CPEB1: variants seen among roughly 807,000 people sequenced by gnomAD.
The protein encoded by CPEB1 is cytoplasmic polyadenylation element-binding protein 1.
CPEB1 carries 7 observed loss-of-function variants against 65.8 expected under a neutral mutation model. The ratio of observed to expected loss-of-function variants is 0.11; its 90% confidence interval spans 0.06 to 0.20. CPEB1 has a LOEUF of 0.20. Ranked by LOEUF, CPEB1 falls within the 10% of genes least tolerant of loss-of-function variation. The pLI is 1.00. For synonymous variants in CPEB1, 262 were observed against 260.0 expected, an observed-to-expected ratio of 1.01 and a Z score of -0.08; for missense variants, 551 against 712.2, an observed-to-expected ratio of 0.77 and a Z score of 2.58.
chr15:82,548,205 C>T (rs1033633873), intron 10 of CPEB1, among the ~76,000 whole-genome samples: 7 of 151,972 alleles, frequency 4.6e-5, no homozygotes, highest in Middle Eastern at 3.4e-3. Flanking sequence ...CGTGGTGGCG[C>T]ACACCTGTAG....
At chr15:82,622,871 T>C (rs977411166) in intron 3 of CPEB1, among the ~76,000 whole-genome samples, 22 of 152,148 alleles carry the variant, frequency 1.4e-4, no homozygotes, top group Non-Finnish European at 2.9e-4. Context: ...CCCACCCTCC[T>C]CCACGGACGG....
At chr15:82,574,737 AAAAAAAAAAAAAAAT>A (rs1344163878) in intron 3 of CPEB1, among the ~76,000 whole-genome samples, 1 of 144,156 alleles carries the variant, frequency 6.9e-6, no homozygotes, top group Admixed American at 6.7e-5. Context: ...AAAAAAAAAA[AAAAAAAAAAAAAAAT>A]CATAAACCAT....
chr15:82,555,740 T>A, intron 6 of CPEB1, 130 bp downstream of exon 6: 1 of 912,610 alleles, frequency 1.1e-6, no homozygotes, highest in Non-Finnish European at 1.6e-6. Context: ...GATAATTCTT[T>A]GCAGATCTGG....
intron 2 of CPEB1, 52 bp downstream of exon 2, chr15:82,628,312 G>A (rs1260111051): frequency 1.4e-6 from 1 of 702,496 alleles, no homozygotes; most frequent in Non-Finnish European, 2.6e-6. Context: ...AAAAGGTTGG[G>A]AGTGAAGATT....
intron 9 of CPEB1, 71 bp downstream of exon 9, chr15:82,552,409 C>T: frequency 2.7e-6 from 4 of 1,459,278 alleles, no homozygotes; most frequent in South Asian, 1.4e-5. Context: ...GCCTATCCAC[C>T]TACCACAAGA....
chr15:82,630,039 C>T (rs2046109519), intron 1 of CPEB1: 2 of 985,272 alleles, frequency 2.0e-6, no homozygotes, highest in East Asian at 2.3e-4. Flanking sequence ...GCCCTTTTCA[C>T]AACTGTAGAT....
At chr15:82,596,529 C>G (rs1421829095) in intron 3 of CPEB1, among the ~76,000 whole-genome samples, 1 of 151,836 alleles carries the variant, frequency 6.6e-6, no homozygotes, top group African/African-American at 2.4e-5. Context: ...AAAACCCCGT[C>G]TCTACTAAAA....
intron 3 of CPEB1, among the ~76,000 whole-genome samples, chr15:82,585,070 A>G (rs988563923): frequency 3.3e-5 from 5 of 152,070 alleles, no homozygotes; most frequent in Admixed American, 6.6e-5. Context: ...TGACAAAATG[A>G]TATTAGGATC....
At chr15:82,565,750 T>A (rs1449332275) in intron 4 of CPEB1, among the ~76,000 whole-genome samples, 1 of 152,256 alleles carries the variant, frequency 6.6e-6, no homozygotes, top group Non-Finnish European at 1.5e-5. Context: ...TGTTCTTTCC[T>A]GGCCTCCAGA....
intron 1 of CPEB1, chr15:82,630,151 A>T: frequency 1.0e-6 from 1 of 976,688 alleles, no homozygotes. Flanking sequence ...GCCCAGGCTG[A>T]ACTTGAAACT....
intron 3 of CPEB1, among the ~76,000 whole-genome samples, chr15:82,586,186 C>A (rs1378899954): frequency 6.6e-6 from 1 of 151,704 alleles, no homozygotes; most frequent in Non-Finnish European, 1.5e-5. Context: ...TATTTGTTAA[C>A]CTCATTTGGA....
chr15:82,611,699 C>T (rs917922555), intron 3 of CPEB1, among the ~76,000 whole-genome samples: 10 of 151,286 alleles, frequency 6.6e-5, no homozygotes, highest in Admixed American at 2.0e-4. Context: ...CAAGAAATCA[C>T]GTCTCAAAAA....
chr15:82,557,621 A>G, intron 5 of CPEB1, 139 bp downstream of exon 5: 1 of 694,010 alleles, frequency 1.4e-6, no homozygotes, highest in Non-Finnish European at 2.4e-6. Flanking sequence ...GTCCACAATA[A>G]TCTCCACTCC....
At chr15:82,550,981 G>T (rs1465171968) in intron 9 of CPEB1, among the ~76,000 whole-genome samples, 2 of 152,128 alleles carry the variant, frequency 1.3e-5, no homozygotes, top group Non-Finnish European at 2.9e-5. Context: ...AAGGGGAAGG[G>T]CTCTGTGATA....
chr15:82,547,440 G>C (rs1311418971), intron 10 of CPEB1, among the ~76,000 whole-genome samples: 1 of 151,574 alleles, frequency 6.6e-6, no homozygotes, highest in South Asian at 2.1e-4. Context: ...GGGACTACAG[G>C]CATCTGCCAC....
intron 3 of CPEB1, among the ~76,000 whole-genome samples, chr15:82,626,905 T>C (rs1005511498): frequency 5.9e-5 from 9 of 152,350 alleles, no homozygotes; most frequent in Middle Eastern, 3.4e-3. Context: ...ATCTGTAACA[T>C]ATGTGATCCA....
At chr15:82,600,899 T>C (rs1013782659) in intron 3 of CPEB1, among the ~76,000 whole-genome samples, 220 of 19,508 alleles carry the variant, frequency 0.011, 1 homozygote, top group African/African-American at 0.027. Context: ...GAACTTGTCT[T>C]TTTTTTTTTT....
chr15:82,628,622 A>C (rs1460100160), intron 1 of CPEB1, 66 bp from the exon 2 acceptor site: 4 of 594,954 alleles, frequency 6.7e-6, no homozygotes, highest in Non-Finnish European at 1.2e-5. Context: ...TGAAAAAGCA[A>C]AAAGTCAGAC....
At chr15:82,564,844 C>A (rs2038860498) in intron 4 of CPEB1, among the ~76,000 whole-genome samples, 1 of 152,122 alleles carries the variant, frequency 6.6e-6, no homozygotes, top group African/African-American at 2.4e-5. Context: ...CTACTGGGAT[C>A]TTCAGGGCCA....
Sources: gnomAD v4.1 joint callset for allele counts (sites outside exome capture counted in the v4.1 genomes callset) on GRCh38, gnomAD v4.1.1 for gene constraint, MANE v1.5 for transcripts, NCBI Gene and HGNC (gene_info 2026-07-23, HGNC 2026-07-21) for gene names.